The following TNFRSF9 variants were observed in gnomAD, a reference collection of about 807,000 sequenced individuals.
TNFRSF9 encodes tumor necrosis factor receptor superfamily member 9.
TNFRSF9 carries 16 observed loss-of-function variants against 28.8 expected under a neutral mutation model. The ratio of observed to expected loss-of-function variants is 0.55; its 90% CI spans 0.38 to 0.84. TNFRSF9 has a LOEUF of 0.84. Among genes scored for constraint, TNFRSF9 ranks in the 40% least tolerant of loss-of-function variants. TNFRSF9 has a pLI of 0.00. For synonymous variants in TNFRSF9, 131 were observed against 117.0 expected (o/e 1.12, Z -0.77); for missense variants, 303 against 315.0 (o/e 0.96, Z 0.29).
chr1:7,920,666 G>T lies in TNFRSF9; in HGVS notation c.*169C>A. 1.8e-6 allele frequency: 1 copy of T among 559,604 alleles called. No homozygotes were observed. The allele number at this position is 559,604 out of a possible 1,614,324, so 34.7% of individuals were successfully genotyped here. A position where few individuals can be genotyped will look rare whatever the true frequency, so the allele number is the denominator to read the frequency against. ...ACCCTGTCAAAAAAAAAAAAAAAGTGGTGCATTTTTAAAGGCCAACTCATT... is the reference window on the plus strand; with the variant it reads ...ACCCTGTCAAAAAAAAAAAAAAAGTTGTGCATTTTTAAAGGCCAACTCATT... On this transcript the variant is annotated 3_prime_UTR_variant, in exon 8 of 8. Transcript: ENST00000377507.
intron 7 of TNFRSF9, among the ~76,000 whole-genome samples, chr1:7,930,204 G>T (rs543738641): frequency 1.3e-5 from 2 of 152,046 alleles, no homozygotes; most frequent in Admixed American, 1.3e-4. Flanking sequence ...CTAACCTCAG[G>T]TGATCTGCCC....
intron 7 of TNFRSF9, among the ~76,000 whole-genome samples, chr1:7,926,232 A>G (rs1639648624): frequency 6.6e-6 from 1 of 152,088 alleles, no homozygotes; most frequent in African/African-American, 2.4e-5. Context: ...TACCTCTTCT[A>G]TGTTTAGATA....
At position 7,918,541 on chromosome 1, in the gene TNFRSF9, A is replaced by G. The variant is rs1639512229; in HGVS notation, c.*2294T>C. The G allele has an allele frequency of 6.6e-6, 1 of 151,986 alleles. No individual in the cohort carries two copies. Among genetic ancestry groups the G allele is most frequent in the Non-Finnish European group, 1.5e-5 (1 of 68,036 alleles). The allele number at this position is 151,986 out of a possible 1,614,324, so 9.4% of individuals were successfully genotyped here. Reference sequence around the variant, plus strand: ...ACCACCACACCCGGCTAATTTTTGTATTTTTTGTAAAGACAGGGTTTCGCC... The same window carrying G: ...ACCACCACACCCGGCTAATTTTTGTGTTTTTTGTAAAGACAGGGTTTCGCC... On this transcript the variant is annotated 3_prime_UTR_variant, in exon 8 of 8. Coordinates refer to ENST00000377507, the MANE Select transcript of TNFRSF9 (RefSeq NM_001561.6).
chr1:7,925,454 A>G (rs1273194739), intron 7 of TNFRSF9, among the ~76,000 whole-genome samples: 2 of 152,248 alleles, frequency 1.3e-5, no homozygotes, highest in South Asian at 2.1e-4. Context: ...GAGGTCCCCA[A>G]CCTTTTTGGC....
At chr1:7,931,307 T>A (rs895930007) in intron 7 of TNFRSF9, among the ~76,000 whole-genome samples, 6 of 152,200 alleles carry the variant, frequency 3.9e-5, no homozygotes, top group African/African-American at 1.4e-4. Flanking sequence ...TGTTTACGTG[T>A]GCTGAGATAC....
chr1:7,931,104 A>T (rs1639725938), intron 7 of TNFRSF9, among the ~76,000 whole-genome samples: 1 of 152,214 alleles, frequency 6.6e-6, no homozygotes, highest in African/African-American at 2.4e-5. Context: ...CATATCGATA[A>T]AAATAATCTG....
At chr1:7,933,028 C>T (rs1639757278) in intron 7 of TNFRSF9, 134 bp downstream of exon 7, 8 of 1,064,424 alleles carry the variant, frequency 7.5e-6, no homozygotes, top group Middle Eastern at 3.2e-4. Flanking sequence ...TTCCCAGGGA[C>T]GAAATTGCCC....
intron 7 of TNFRSF9, among the ~76,000 whole-genome samples, chr1:7,930,215 G>A (rs1360612083): frequency 1.3e-5 from 2 of 151,872 alleles, no homozygotes; most frequent in African/African-American, 4.8e-5. Context: ...TGATCTGCCC[G>A]CCTCAGCCCC....
chr1:7,934,436 C>T (rs1379000036), intron 6 of TNFRSF9, among the ~76,000 whole-genome samples: 1 of 151,334 alleles, frequency 6.6e-6, no homozygotes. Context: ...CCTGGACGGG[C>T]GTGGTGGCTC....
At position 7,919,821 on chromosome 1, in the gene TNFRSF9, A is replaced by C. The variant is rs1416408954; in HGVS notation, c.*1014T>G. 1.3e-5 allele frequency: 2 copies of C among 152,198 alleles called. No individual in the cohort carries two copies. Among genetic ancestry groups the C allele is most frequent in the African/African-American group, 4.8e-5 (2 of 41,448 alleles). The allele number at this position is 152,198 out of a possible 1,614,324, so 9.4% of individuals were successfully genotyped here. ...GTAGGACAATGAGCTCACAGGTGTTAATTTTCTCACTGTACTTCATACCTA... is the reference window on the plus strand; with the variant it reads ...GTAGGACAATGAGCTCACAGGTGTTCATTTTCTCACTGTACTTCATACCTA... On this transcript the variant is annotated 3_prime_UTR_variant, in exon 8 of 8. Coordinates refer to ENST00000377507, the MANE Select transcript of TNFRSF9 (RefSeq NM_001561.6).
In TNFRSF9 at chr1:7,938,805, T is replaced by A; in HGVS notation, c.124A>T (p.Asn42Tyr). The A allele has an allele frequency of 6.2e-7, 1 of 1,613,378 alleles. No homozygotes were observed. Among genetic ancestry groups the A allele is most frequent in the Non-Finnish European group, 8.5e-7 (1 of 1,179,500 alleles). The change falls in exon 3 of 8, where the codon AAT (asparagine) becomes TAT (tyrosine). Residue 42 changes from asparagine to tyrosine, a missense_variant. Coordinates refer to ENST00000377507, the MANE Select transcript of TNFRSF9 (RefSeq NM_001561.6). ...GGAGGACAGGGACTGCAAATCTGATTCCTGTTATTATCACAGAATGTACCT... is the reference window on the plus strand; with the variant it reads ...GGAGGACAGGGACTGCAAATCTGATACCTGTTATTATCACAGAATGTACCT... ...PAGTFCDNNR[N>Y]QICSPCPPNS... is the part of the protein sequence containing the mutation.
chr1:7,937,631 T>G lies in TNFRSF9; in HGVS notation c.413+59A>C. The stretch of plus-strand genomic sequence containing the variant: ...AAAGCTTCAATGATAGCATTCCTTA[T>G]CTTCCAAAAAATTTAACCCAGATTC... On this transcript the variant is annotated intron_variant, in intron 5 of 7. Transcript: ENST00000377507. The G allele has an allele frequency of 2.1e-6, 3 of 1,441,850 alleles. No homozygotes were observed. In the South Asian group the frequency reaches 3.5e-5, roughly 17 times the overall value. The allele number at this position is 1,441,850 out of a possible 1,614,324, so 89.3% of individuals were successfully genotyped here.
At chr1:7,929,183 A>G (rs1281631862) in intron 7 of TNFRSF9, among the ~76,000 whole-genome samples, 1 of 116,510 alleles carries the variant, frequency 8.6e-6, no homozygotes, top group Non-Finnish European at 1.7e-5. Flanking sequence ...TTTTTTTGAG[A>G]CAGAGTCTTG....
intron 7 of TNFRSF9, among the ~76,000 whole-genome samples, chr1:7,923,786 C>T (rs894449256): frequency 3.9e-5 from 6 of 152,008 alleles, no homozygotes; most frequent in African/African-American, 7.3e-5. Flanking sequence ...TGCATTGAGG[C>T]GTGATCATGC....
At chr1:7,930,180 C>A (rs771542312) in intron 7 of TNFRSF9, among the ~76,000 whole-genome samples, 1 of 151,866 alleles carries the variant, frequency 6.6e-6, no homozygotes, top group Non-Finnish European at 1.5e-5. Context: ...CATGGCCAGG[C>A]TGGTGTTGAA....
rs1325825547 is a variant in TNFRSF9, at chr1:7,918,005, C to CA, written c.*2829dup. On this transcript the variant is annotated 3_prime_UTR_variant, in exon 8 of 8. Coordinates refer to ENST00000377507, the MANE Select transcript of TNFRSF9 (RefSeq NM_001561.6). ...ATAGATAGATAGATAGATAGATAGG[C>CA]AGAATTTCACTCTTGTCACCCAGTC... 1.1e-4 allele frequency: 16 copies of CA among 147,980 alleles called. No individual in the cohort carries two copies. The highest frequency in any genetic ancestry group is 4.2e-4 in the South Asian group (2 of 4,774). 9.2% of individuals were successfully genotyped at this position (147,980 alleles called of 1,614,324 possible). A position where few individuals can be genotyped will look rare whatever the true frequency, so the allele number is the denominator to read the frequency against.
At chr1:7,938,895 G>T in intron 2 of TNFRSF9, 67 bp from the exon 3 acceptor site, 1 of 1,144,686 alleles carries the variant, frequency 8.7e-7, no homozygotes, top group Non-Finnish European at 1.3e-6. Flanking sequence ...GCATTCCGAA[G>T]TTTACAATAA....
chr1:7,923,507 G>A (rs1639592911), intron 7 of TNFRSF9, among the ~76,000 whole-genome samples: 1 of 152,164 alleles, frequency 6.6e-6, no homozygotes, highest in Admixed American at 6.5e-5. Context: ...CTTCCCTAGA[G>A]TGATGTCAGA....
chr1:7,929,158 CTTT>C (rs1557427289), intron 7 of TNFRSF9, among the ~76,000 whole-genome samples: 1 of 56,334 alleles, frequency 1.8e-5, no homozygotes, highest in African/African-American at 1.4e-4. Flanking sequence ...TTTCTTTTTC[CTTT>C]TTTTTTTTTT....
Sources: allele counts gnomAD v4.1 joint callset (sites outside exome capture counted in the v4.1 genomes callset), GRCh38; gene constraint gnomAD v4.1.1; transcripts MANE v1.5; gene names NCBI Gene and HGNC (gene_info 2026-07-23, HGNC 2026-07-21).